Variants in CNTNAP5 observed in about 807,000 individuals in gnomAD.
The protein encoded by CNTNAP5 is contactin-associated protein-like 5.
A neutral mutation model predicts 150.2 loss-of-function variants in CNTNAP5; 72 were observed. The observed-to-expected ratio is 0.48, with a 90% CI of 0.40 to 0.58. CNTNAP5 has a LOEUF of 0.58. Ranked by LOEUF, CNTNAP5 falls within the 20% of genes least tolerant of loss-of-function variation. CNTNAP5 has a pLI of 0.00. For synonymous variants in CNTNAP5, 672 were observed against 619.8 expected, an observed-to-expected ratio of 1.08 and a Z score of -1.25; for missense variants, 1,636 against 1,626.2, an observed-to-expected ratio of 1.01 and a Z score of -0.10.
At chr2:124,137,614 T>C (rs1012482256) in intron 1 of CNTNAP5, among the ~76,000 whole-genome samples, 2 of 152,150 alleles carry the variant, frequency 1.3e-5, no homozygotes, top group Non-Finnish European at 2.9e-5. Flanking sequence ...GGAATAAAAA[T>C]TGAAATTAAA....
At chr2:124,193,035 C>T (rs1287659317) in intron 1 of CNTNAP5, among the ~76,000 whole-genome samples, 3 of 152,110 alleles carry the variant, frequency 2.0e-5, no homozygotes, top group Non-Finnish European at 2.9e-5. Flanking sequence ...TTGTGGAAGC[C>T]AATCCAATTT....
chr2:124,242,848 T>G (rs1686921392), intron 3 of CNTNAP5, among the ~76,000 whole-genome samples: 1 of 152,226 alleles, frequency 6.6e-6, no homozygotes, highest in South Asian at 2.1e-4. Flanking sequence ...GAATTGTGAC[T>G]TGGTAATCTT....
chr2:124,474,090 A>G (rs576818038), intron 6 of CNTNAP5, among the ~76,000 whole-genome samples: 19 of 152,132 alleles, frequency 1.2e-4, no homozygotes, highest in African/African-American at 4.1e-4. Context: ...TGTTGACATC[A>G]TACTTTATAC....
At chr2:124,862,780 G>A (rs773242648) in intron 19 of CNTNAP5, among the ~76,000 whole-genome samples, 23 of 152,188 alleles carry the variant, frequency 1.5e-4, no homozygotes, top group Non-Finnish European at 2.6e-4. Context: ...GAAAAGTCAT[G>A]GAGTGAATTT....
chr2:124,884,570 G>A (rs1678040241), intron 21 of CNTNAP5, among the ~76,000 whole-genome samples: 1 of 151,938 alleles, frequency 6.6e-6, no homozygotes, highest in Middle Eastern at 3.2e-3. Flanking sequence ...GTAGGGCTGG[G>A]CCTTTAGTTA....
intron 3 of CNTNAP5, among the ~76,000 whole-genome samples, chr2:124,401,047 A>G (rs976856741): frequency 6.6e-6 from 1 of 152,074 alleles, no homozygotes. Flanking sequence ...TTGTATTTTT[A>G]GTAGAAACGG....
intron 19 of CNTNAP5, among the ~76,000 whole-genome samples, chr2:124,860,879 G>A (rs527464943): frequency 2.8e-4 from 43 of 152,152 alleles, no homozygotes; most frequent in Admixed American, 1.0e-3. Context: ...TCTGGGCAGC[G>A]GTGATCACCA....
At chr2:124,621,877 G>T (rs367901420) in intron 12 of CNTNAP5, among the ~76,000 whole-genome samples, 1 of 152,170 alleles carries the variant, frequency 6.6e-6, no homozygotes, top group Non-Finnish European at 1.5e-5. Flanking sequence ...AGTTGATTAC[G>T]TGATTTGTAT....
intron 19 of CNTNAP5, among the ~76,000 whole-genome samples, chr2:124,843,069 C>G (rs1682976382): frequency 6.6e-6 from 1 of 152,022 alleles, no homozygotes; most frequent in Non-Finnish European, 1.5e-5. Context: ...CCACCCTTTC[C>G]TGAGTCCCCA....
chr2:124,202,115 G>T (rs1249016033), intron 1 of CNTNAP5, among the ~76,000 whole-genome samples: 1 of 152,042 alleles, frequency 6.6e-6, no homozygotes, highest in Admixed American at 6.6e-5. Context: ...TTTATGCTGT[G>T]CCCTAAGTTC....
intron 1 of CNTNAP5, among the ~76,000 whole-genome samples, chr2:124,203,525 C>T (rs1470077671): frequency 6.6e-6 from 1 of 152,200 alleles, no homozygotes; most frequent in African/African-American, 2.4e-5. Context: ...CCTCACTTCC[C>T]TAGCAGAAGT....
intron 1 of CNTNAP5, among the ~76,000 whole-genome samples, chr2:124,160,128 G>T (rs1684641258): frequency 1.3e-5 from 2 of 152,166 alleles, no homozygotes; most frequent in African/African-American, 4.8e-5. Context: ...CTAAGCTGGA[G>T]ACTCAGGAGA....
intron 12 of CNTNAP5, among the ~76,000 whole-genome samples, chr2:124,647,082 C>T (rs1245516521): frequency 6.6e-6 from 1 of 152,186 alleles, no homozygotes; most frequent in Non-Finnish European, 1.5e-5. Flanking sequence ...CAAATATCTC[C>T]CCTCTCTCAC....
chr2:124,398,659 G>T (rs2104756007), intron 3 of CNTNAP5, among the ~76,000 whole-genome samples: 1 of 152,176 alleles, frequency 6.6e-6, no homozygotes, highest in Admixed American at 6.5e-5. Flanking sequence ...ACCATGCCTG[G>T]CTAGTTTTGT....
rs755160553 is a variant in CNTNAP5 at position 124,417,559 on chromosome 2, C to T, written c.498C>T (p.Gly166=). 6.2e-7 allele frequency: 1 copy of T among 1,613,632 alleles called. No individual in the cohort carries two copies. The highest frequency in any genetic ancestry group is 2.2e-5 in the East Asian group (1 of 44,850). The change falls in exon 4 of 24, where the codon GGC becomes GGT. Residue 166 remains glycine (G), a synonymous_variant. Transcript: ENST00000682447. ...PLEWNPSGKI[G]MRVEVYGCSY... ...AATGGAATCCCAGTGGGAAGATTGG[C>T]ATGAGAGTCGAGGTCTACGGATGTT... is the stretch of plus-strand genomic sequence containing the variant.
chr2:124,686,206 C>T (rs191590779), intron 13 of CNTNAP5, among the ~76,000 whole-genome samples: 11 of 152,228 alleles, frequency 7.2e-5, no homozygotes, highest in Admixed American at 7.2e-4. Context: ...CAGCTGTGAG[C>T]TGGCAACTGG....
chr2:124,480,236 T>G (rs997158347), intron 7 of CNTNAP5, among the ~76,000 whole-genome samples: 2 of 152,164 alleles, frequency 1.3e-5, no homozygotes, highest in African/African-American at 4.8e-5. Context: ...TTGATGAAAA[T>G]CATTACTTCA....
At chr2:124,698,142 T>C in intron 13 of CNTNAP5, among the ~76,000 whole-genome samples, 1 of 152,112 alleles carries the variant, frequency 6.6e-6, no homozygotes, top group East Asian at 1.9e-4. Context: ...CAGATTCATA[T>C]TTTAAGGGAA....
intron 19 of CNTNAP5, among the ~76,000 whole-genome samples, chr2:124,852,499 A>G (rs1376586163): frequency 6.6e-6 from 1 of 152,214 alleles, no homozygotes; most frequent in African/African-American, 2.4e-5. Context: ...ATGAAATGAG[A>G]CCAAAGAGGT....
Sources: gnomAD v4.1 joint callset for allele counts (sites outside exome capture counted in the v4.1 genomes callset) on GRCh38, gnomAD v4.1.1 for gene constraint, MANE v1.5 for transcripts, NCBI Gene and HGNC (gene_info 2026-07-23, HGNC 2026-07-21) for gene names.